The following SLC5A5 variants were observed in gnomAD, a reference collection of about 807,000 sequenced individuals.
SLC5A5 encodes solute carrier family 5 member 5.
In SLC5A5, 56 loss-of-function variants were observed where a neutral mutation model predicts 68.6. The ratio of observed to expected loss-of-function variants is 0.82; its 90% CI spans 0.66 to 1.02. SLC5A5 has a LOEUF of 1.02. Ranked by LOEUF, SLC5A5 falls within the 50% of genes least tolerant of loss-of-function variation. The pLI is 0.00. For missense variants in SLC5A5, 807 were observed against 859.8 expected (o/e 0.94, Z 0.77); for synonymous variants, 398 against 373.0 (o/e 1.07, Z -0.77).
chr19:17,892,821 T>C (rs1284291239), intron 14 of SLC5A5, among the ~76,000 whole-genome samples: 2 of 150,882 alleles, frequency 1.3e-5, no homozygotes. Context: ...TTGGGAGAGG[T>C]GACATTGATT....
chr19:17,892,885 A>T (rs962109802), intron 14 of SLC5A5, among the ~76,000 whole-genome samples: 7 of 151,978 alleles, frequency 4.6e-5, no homozygotes, highest in African/African-American at 1.7e-4. Flanking sequence ...GCTTTGACTG[A>T]GAAGGGGATT....
chr19:17,894,153 T>TTC lies in SLC5A5; in HGVS notation c.*277_*278insCT. The TTC allele has an allele frequency of 1.5e-5, 6 of 402,222 alleles. No homozygotes were observed. Among genetic ancestry groups the TTC allele is most frequent in the South Asian group, 2.4e-5 (1 of 41,284 alleles). 24.9% of individuals were successfully genotyped at this position (402,222 alleles called of 1,614,324 possible). On this transcript the variant is annotated 3_prime_UTR_variant, in exon 15 of 15. Transcript: ENST00000222248. The stretch of plus-strand genomic sequence containing the variant: ...GGTTTTTCTCTCTCTCTTTTTTTTT[T>TTC]TTTTTTTTTTTTGAGACAGGGTCAT...
In SLC5A5 at chr19:17,872,173, C is replaced by T; in HGVS notation, c.-147C>T. 1.6e-6 allele frequency: 1 copy of T among 634,610 alleles called. No individual in the cohort carries two copies. Among genetic ancestry groups the T allele is most frequent in the South Asian group, 1.9e-5 (1 of 51,888 alleles). 39.3% of individuals were successfully genotyped at this position (634,610 alleles called of 1,614,324 possible). ...ACCCAGGGAGCCCCGGCCCCTCTCG[C>T]CGCTTCCCACCCCAGACGGAGCGGG... On this transcript the variant is annotated 5_prime_UTR_variant, in exon 1 of 15. Transcript: ENST00000222248.
rs139517463 is a variant in SLC5A5 at position 17,876,070 on chromosome 19, C to T, written c.662C>T (p.Thr221Met). ...MLVGGPRQVL[T>M]LAQNHSRINL... ...GTGGGCGGGCCCCGCCAGGTGCTCA[C>T]GCTGGCCCAGAACCACTCCCGGATC... Residue 221 changes from threonine to methionine, a missense_variant, in exon 5 of 15, where the codon ACG becomes ATG. Thr to Met is a moderately conservative substitution (Grantham distance 81, BLOSUM62 -1). Transcript: ENST00000222248. The T allele has an allele frequency of 1.0e-4, 167 of 1,614,066 alleles. No individual in the cohort carries two copies. Among genetic ancestry groups the T allele is most frequent in the Middle Eastern group, 3.3e-4 (2 of 6,084 alleles).
Position 17,877,720 on chromosome 19 carries a change from C to A in SLC5A5, c.699-3C>A. 1 of 1,614,076 alleles carries A rather than the reference C, an allele frequency of 6.2e-7. No individual in the cohort carries two copies. On this transcript the variant is annotated splice_region_variant and splice_polypyrimidine_tract_variant and intron_variant, in intron 5 of 14. Coordinates refer to ENST00000222248, the MANE Select transcript of SLC5A5 (RefSeq NM_000453.3). Reference sequence around the variant, plus strand: ...GTGGCTAACTTGCCCTGTCCCCACCCAGCTTTAACCCTGACCCGAGGAGCC... The same window carrying A: ...GTGGCTAACTTGCCCTGTCCCCACCAAGCTTTAACCCTGACCCGAGGAGCC...
chr19:17,887,691 G>A (rs567253297), intron 12 of SLC5A5, among the ~76,000 whole-genome samples: 4 of 147,052 alleles, frequency 2.7e-5, no homozygotes, highest in East Asian at 4.0e-4. Context: ...TCCACCTCCC[G>A]GGTTCATGCC....
At chr19:17,888,281 C>G (rs1215577562) in intron 12 of SLC5A5, 50 bp from the exon 13 acceptor site, 1 of 1,609,724 alleles carries the variant, frequency 6.2e-7, no homozygotes, top group Non-Finnish European at 8.5e-7. Flanking sequence ...CTTTTGAGTG[C>G]AGGCAGGGGA....
intron 5 of SLC5A5, 37 bp downstream of exon 5, chr19:17,876,143 G>A (rs1329863331): frequency 1.2e-6 from 2 of 1,609,622 alleles, no homozygotes; most frequent in African/African-American, 2.7e-5. Context: ...AGCAGGATGG[G>A]GCTGGGACCA....
intron 3 of SLC5A5, 35 bp from the exon 4 acceptor site, chr19:17,874,629 C>G (rs1368229072): frequency 6.2e-7 from 1 of 1,613,656 alleles, no homozygotes; most frequent in Admixed American, 1.7e-5. Context: ...TGCGCCCCGC[C>G]CAGGGGCCTA....
At position 17,894,107 on chromosome 19, in the gene SLC5A5, G is replaced by A. The variant is rs986172446; in HGVS notation, c.*230G>A. 2.6e-5 allele frequency: 14 copies of A among 530,556 alleles called. No individual in the cohort carries two copies. The highest frequency in any genetic ancestry group is 1.2e-4 in the African/African-American group (6 of 51,482). 32.9% of individuals were successfully genotyped at this position (530,556 alleles called of 1,614,324 possible). A position where few individuals can be genotyped will look rare whatever the true frequency, so the allele number is the denominator to read the frequency against. On this transcript the variant is annotated 3_prime_UTR_variant, in exon 15 of 15. Coordinates refer to ENST00000222248, the MANE Select transcript of SLC5A5 (RefSeq NM_000453.3). ...CAGTATTAGACGCTGCAGCCCTGAC[G>A]GCTCCCCCCAAATAAGGCTGGGTTT...
chr19:17,891,930 G>A (rs1301708077), intron 14 of SLC5A5, among the ~76,000 whole-genome samples: 2 of 152,146 alleles, frequency 1.3e-5, no homozygotes, highest in African/African-American at 4.8e-5. Context: ...TCTAGCAGGG[G>A]CAGGTGAAAA....
At position 17,894,077 on chromosome 19, in the gene SLC5A5, G is replaced by T; in HGVS notation, c.*200G>T. On this transcript the variant is annotated 3_prime_UTR_variant, in exon 15 of 15. Transcript: ENST00000222248. ...TTAAATCCAGCCCCTTGCTTCAACC[G>T]TCCCCAGTATTAGACGCTGCAGCCC... is the stretch of plus-strand genomic sequence containing the variant. 1 of 602,194 alleles carries T rather than the reference G, an allele frequency of 1.7e-6. No homozygotes were observed. The highest frequency in any genetic ancestry group is 2.9e-5 in the East Asian group (1 of 34,934). The allele number at this position is 602,194 out of a possible 1,614,324, so 37.3% of individuals were successfully genotyped here. A position where few individuals can be genotyped will look rare whatever the true frequency, so the allele number is the denominator to read the frequency against.
chr19:17,885,935 A>T (rs1413513150), intron 12 of SLC5A5, among the ~76,000 whole-genome samples: 2 of 152,080 alleles, frequency 1.3e-5, no homozygotes, highest in Non-Finnish European at 2.9e-5. Flanking sequence ...ATCCCAGCTC[A>T]CTGCAACCTC....
chr19:17,891,778 T>G (rs2030180359), intron 14 of SLC5A5, among the ~76,000 whole-genome samples: 1 of 152,170 alleles, frequency 6.6e-6, no homozygotes, highest in Admixed American at 6.6e-5. Context: ...TTCCCAGAGT[T>G]TGGAAAATGC....
chr19:17,892,428 G>C (rs578131877), intron 14 of SLC5A5, among the ~76,000 whole-genome samples: 4 of 151,996 alleles, frequency 2.6e-5, no homozygotes, highest in African/African-American at 9.7e-5. Flanking sequence ...CTGAGGTCAG[G>C]AGTTCGAGAC....
At chr19:17,881,862 C>A (rs989522786) in intron 8 of SLC5A5, 98 bp from the exon 9 acceptor site, 5 of 871,714 alleles carry the variant, frequency 5.7e-6, no homozygotes, top group Non-Finnish European at 7.6e-6. Flanking sequence ...TGGGTTACCC[C>A]CACCGTTGCC....
Position 17,874,504 on chromosome 19 carries a change from C to T in SLC5A5, c.434C>T (p.Thr145Ile). 8.7e-6 allele frequency: 14 copies of T among 1,614,008 alleles called. 1 individual carries two copies. The highest frequency in any genetic ancestry group is 1.1e-5 in the Non-Finnish European group (13 of 1,179,982). Residue 145 changes from threonine (T) to isoleucine (I), a missense_variant, in exon 3 of 15, where the codon ACC (threonine) becomes ATC (isoleucine). Transcript: ENST00000222248. The stretch of plus-strand genomic sequence containing the variant: ...ACACTCTGTCTACAGATGCTGTACA[C>T]CGGCATCGTAATCTACGCACCGGCC... ...LQYIVATMLY[T>I]GIVIYAPALI...
At chr19:17,874,249 C>T in intron 2 of SLC5A5, 46 bp downstream of exon 2, 1 of 1,369,688 alleles carries the variant, frequency 7.3e-7, no homozygotes, top group Non-Finnish European at 1.0e-6. Context: ...CCGAGAGCGT[C>T]AGCCTTCACT....
chr19:17,874,762 G>T, intron 4 of SLC5A5, 31 bp downstream of exon 4: 1 of 1,606,422 alleles, frequency 6.2e-7, no homozygotes, highest in East Asian at 2.2e-5. Context: ...ACTCCATACG[G>T]GGGATCGGGC....
Sources: allele counts gnomAD v4.1 joint callset (sites outside exome capture counted in the v4.1 genomes callset), GRCh38; gene constraint gnomAD v4.1.1; transcripts MANE v1.5; gene names NCBI Gene and HGNC (gene_info 2026-07-23, HGNC 2026-07-21).